GLRA1: variants seen among roughly 807,000 people sequenced by gnomAD.
GLRA1 encodes the protein glycine receptor alpha 1.
In GLRA1, 37 loss-of-function variants were observed where a neutral mutation model predicts 48.3. That is an observed-to-expected ratio of 0.77 (90% confidence interval 0.59 to 1.01). The LOEUF (loss-of-function observed/expected upper bound fraction) is 1.01. Among genes scored for constraint, GLRA1 ranks in the 50% least tolerant of loss-of-function variants. The pLI is 0.00. For synonymous variants in GLRA1, 196 were observed against 210.7 expected, an observed-to-expected ratio of 0.93 and a Z score of 0.60; for missense variants, 427 against 571.0, an observed-to-expected ratio of 0.75 and a Z score of 2.57.
chr5:151,885,495 C>T (rs879817896), intron 3 of GLRA1, among the ~76,000 whole-genome samples: 30 of 152,188 alleles, frequency 2.0e-4, no homozygotes, highest in African/African-American at 6.3e-4. Context: ...CACACACGTA[C>T]GCGCATGTTA....
At chr5:151,920,999 T>A (rs1220824417) in intron 1 of GLRA1, among the ~76,000 whole-genome samples, 1 of 152,230 alleles carries the variant, frequency 6.6e-6, no homozygotes, top group Non-Finnish European at 1.5e-5. Context: ...TTCCTTTTGA[T>A]CCTAATGTGG....
Position 151,854,975 on chromosome 5 carries a change from T to C in GLRA1, c.697+65A>G, listed in dbSNP as rs6860343. ...GATCTGTTGGATCAATGATTGAATG[T>C]GTCTGAAATGACCTCTGGTCCTGGT... On this transcript the variant is annotated intron_variant, in intron 6 of 8. Coordinates refer to ENST00000274576, the MANE Select transcript of GLRA1 (RefSeq NM_000171.4). 9.7e-3 allele frequency: 14,437 copies of C among 1,490,310 alleles called. 1,089 individuals are homozygous for C. The African/African-American group carries it at 0.17, about 17-fold the overall frequency. The allele number at this position is 1,490,310 out of a possible 1,614,324, so 92.3% of individuals were successfully genotyped here. A position where few individuals can be genotyped will look rare whatever the true frequency, so the allele number is the denominator to read the frequency against.
chr5:151,873,441 C>G (rs766742237), intron 3 of GLRA1, among the ~76,000 whole-genome samples: 1 of 149,662 alleles, frequency 6.7e-6, no homozygotes, highest in Non-Finnish European at 1.5e-5. Context: ...GTGTGGATAG[C>G]TTGAGGTCAG....
chr5:151,865,735 G>A (rs951285408), intron 3 of GLRA1, among the ~76,000 whole-genome samples: 11 of 152,086 alleles, frequency 7.2e-5, no homozygotes, highest in African/African-American at 2.2e-4. Context: ...ATTTCATAAT[G>A]AGTCTCTCAT....
intron 1 of GLRA1, among the ~76,000 whole-genome samples, chr5:151,904,364 A>G (rs950991156): frequency 3.9e-5 from 6 of 152,164 alleles, no homozygotes; most frequent in Non-Finnish European, 7.4e-5. Flanking sequence ...GGCAAAGAGA[A>G]GCAACCTTGG....
intron 1 of GLRA1, among the ~76,000 whole-genome samples, chr5:151,909,074 T>C (rs1561580999): frequency 6.6e-6 from 1 of 152,224 alleles, no homozygotes; most frequent in Non-Finnish European, 1.5e-5. Flanking sequence ...TATCAAGTTT[T>C]TTGAAAAGTT....
At chr5:151,923,196 G>T (rs1447052016) in intron 1 of GLRA1, among the ~76,000 whole-genome samples, 1 of 152,202 alleles carries the variant, frequency 6.6e-6, no homozygotes, top group African/African-American at 2.4e-5. Context: ...TCTCAGATAA[G>T]GGGGGATGCC....
chr5:151,864,147 G>A (rs1380326403), intron 3 of GLRA1, among the ~76,000 whole-genome samples: 1 of 151,880 alleles, frequency 6.6e-6, no homozygotes, highest in African/African-American at 2.4e-5. Context: ...GCATGTGTGT[G>A]TGTGTGTGTG....
chr5:151,849,456 C>CTTTCCTTTCCTT (rs577318905), intron 7 of GLRA1, among the ~76,000 whole-genome samples: 1 of 29,550 alleles, frequency 3.4e-5, no homozygotes, highest in Non-Finnish European at 5.8e-5. Context: ...CTTTCCTTTC[C>CTTTCCTTTCCTT]TTCCTTCCTT....
intron 1 of GLRA1, among the ~76,000 whole-genome samples, chr5:151,898,702 C>T (rs941685145): frequency 6.6e-6 from 1 of 152,056 alleles, no homozygotes; most frequent in South Asian, 2.1e-4. Context: ...GGAGGAGGAA[C>T]TTGGAGGTGC....
At chr5:151,832,440 T>C (rs1469721499) in intron 7 of GLRA1, among the ~76,000 whole-genome samples, 1 of 152,016 alleles carries the variant, frequency 6.6e-6, no homozygotes, top group Non-Finnish European at 1.5e-5. Flanking sequence ...ATAACAAGCT[T>C]AGAGAAGAAT....
At chr5:151,894,844 G>T (rs1754191340) in intron 1 of GLRA1, among the ~76,000 whole-genome samples, 1 of 152,166 alleles carries the variant, frequency 6.6e-6, no homozygotes, top group Non-Finnish European at 1.5e-5. Context: ...CACAGTAATG[G>T]AAAATACTGA....
chr5:151,832,221 C>G (rs1561547271), intron 7 of GLRA1, among the ~76,000 whole-genome samples: 1 of 152,152 alleles, frequency 6.6e-6, no homozygotes, highest in African/African-American at 2.4e-5. Context: ...CTGAAAATTC[C>G]AAAAACCAGA....
In GLRA1 at chr5:151,828,987, G is replaced by A. The variant is rs17112272; in HGVS notation, c.993C>T (p.Ala331=). The change falls in exon 8 of 9, where the codon GCC becomes GCT. Residue 331 remains alanine (A), a synonymous_variant. Coordinates refer to ENST00000274576, the MANE Select transcript of GLRA1 (RefSeq NM_000171.4). ...FVFSALLEYA[A]VNFVSRQHKE... ...TATGTTGCCGAGACACAAAGTTAAC[G>A]GCAGCATATTCTAATAGGGCTGAGA... 1,293 of 1,614,070 alleles carry A rather than the reference G, an allele frequency of 8.0e-4. 11 individuals are homozygous for A. In the African/African-American group the frequency reaches 0.015, roughly 18 times the overall value.
At chr5:151,903,830 A>C (rs115656054) in intron 1 of GLRA1, among the ~76,000 whole-genome samples, 1 of 152,110 alleles carries the variant, frequency 6.6e-6, no homozygotes, top group African/African-American at 2.4e-5. Context: ...AACATCAAGC[A>C]TTTTCTTTTC....
chr5:151,890,752 C>G lies in GLRA1; in HGVS notation c.184+1559G>C, dbSNP rs77036439. Among the ~76,000 whole-genome samples the G allele has an allele frequency of 8.7e-3, 1,332 of 152,240 alleles. 19 individuals carry two copies. Among genetic ancestry groups the G allele is most frequent in the African/African-American group, 0.031 (1,281 of 41,520 alleles). ...CATTCATATACTATAGTTGTCTTGC[C>G]CCTCTAGGTATTAGAGGTTGTGACC... is the stretch of plus-strand genomic sequence containing the variant. On this transcript the variant is annotated intron_variant, in intron 2 of 8. Transcript: ENST00000274576.
chr5:151,862,302 A>G (rs1442394185), intron 3 of GLRA1, among the ~76,000 whole-genome samples: 1 of 152,240 alleles, frequency 6.6e-6, no homozygotes, highest in Non-Finnish European at 1.5e-5. Flanking sequence ...AAAGACTTAA[A>G]TGTTAGACCT....
chr5:151,850,574 G>A, intron 7 of GLRA1: 1 of 1,405,368 alleles, frequency 7.1e-7, no homozygotes, highest in Non-Finnish European at 1.0e-6. Flanking sequence ...CCAACACCTA[G>A]CTGGATTCCA....
chr5:151,880,701 A>T (rs1001459285), intron 3 of GLRA1, among the ~76,000 whole-genome samples: 1 of 152,150 alleles, frequency 6.6e-6, no homozygotes, highest in African/African-American at 2.4e-5. Flanking sequence ...GTATAGTCAT[A>T]CTCCCATACT....
Sources: gnomAD v4.1 joint callset for allele counts (sites outside exome capture counted in the v4.1 genomes callset) on GRCh38, gnomAD v4.1.1 for gene constraint, MANE v1.5 for transcripts, NCBI Gene and HGNC (gene_info 2026-07-23, HGNC 2026-07-21) for gene names.